The following SIPA1L2 variants were observed in gnomAD, a reference collection of about 807,000 sequenced individuals.
SIPA1L2 encodes signal induced proliferation associated 1 like 2.
In SIPA1L2, 56 loss-of-function variants were observed where a neutral mutation model predicts 163.9. That is an observed-to-expected ratio of 0.34 (90% CI 0.28 to 0.43). The LOEUF is 0.43. SIPA1L2 is among the 20% of genes least tolerant of loss of function. The probability of loss-of-function intolerance (pLI) is 1.00; values close to 1 mark genes in which losing one functional copy is unlikely to be tolerated. For synonymous variants in SIPA1L2, 877 were observed against 865.7 expected, an observed-to-expected ratio of 1.01 and a Z score of -0.23; for missense variants, 1,974 against 2,193.5, an observed-to-expected ratio of 0.90 and a Z score of 2.00.
chr1:232,441,627 T>A (rs1662901902), intron 13 of SIPA1L2, 141 bp downstream of exon 13: 2 of 784,826 alleles, frequency 2.5e-6, no homozygotes, highest in Admixed American at 4.8e-5. Flanking sequence ...CCCTCCTGCA[T>A]CTGGAGACCC....
At chr1:232,471,241 C>T (rs1031131897) in intron 8 of SIPA1L2, 130 bp downstream of exon 8, 91 of 991,186 alleles carry the variant, frequency 9.2e-5, no homozygotes, top group Non-Finnish European at 1.3e-4. Context: ...TTATTTCTTA[C>T]AGAAAGTGTC....
chr1:232,628,186 A>G (rs1174861326), intron 1 of SIPA1L2, among the ~76,000 whole-genome samples: 3 of 152,182 alleles, frequency 2.0e-5, no homozygotes, highest in East Asian at 3.9e-4. Flanking sequence ...ACTACGGGCT[A>G]TTGTGCTTGT....
At chr1:232,584,760 T>C (rs1660566785) in intron 1 of SIPA1L2, among the ~76,000 whole-genome samples, 1 of 152,194 alleles carries the variant, frequency 6.6e-6, no homozygotes, top group Admixed American at 6.5e-5. Flanking sequence ...TGACTACTTA[T>C]ACAAAACGCT....
In SIPA1L2 at chr1:232,513,886, T is replaced by C. The variant is rs1308195580; in HGVS notation, c.1454A>G (p.Tyr485Cys). ...YIIEHIDLGA[Y>C]YYRKFFYGKE... is the part of the protein sequence containing the mutation. ...CCCATAGAAGAATTTGCGGTAATAA[T>C]AGGCCCCAAGGTCAATGTGTTCTAT... Residue 485 changes from tyrosine to cysteine, a missense_variant, in exon 3 of 23, where the codon TAT (tyrosine) becomes TGT (cysteine). Physicochemically the swap from Tyr to Cys is radical, Grantham distance 194. Coordinates refer to ENST00000674635, the MANE Select transcript of SIPA1L2 (RefSeq NM_020808.5). 3 of 1,589,258 alleles carry C rather than the reference T, an allele frequency of 1.9e-6. No individual in the cohort carries two copies. Among genetic ancestry groups the C allele is most frequent in the East Asian group, 2.2e-5 (1 of 44,682 alleles).
chr1:232,574,850 A>G (rs556840862), intron 1 of SIPA1L2, among the ~76,000 whole-genome samples: 2 of 152,332 alleles, frequency 1.3e-5, no homozygotes, highest in South Asian at 4.1e-4. Context: ...GCTACGTACT[A>G]GACACTCTAC....
At chr1:232,406,924 C>T (rs1293630804) in intron 19 of SIPA1L2, among the ~76,000 whole-genome samples, 1 of 152,164 alleles carries the variant, frequency 6.6e-6, no homozygotes, top group Non-Finnish European at 1.5e-5. Context: ...TTTGTAGCTA[C>T]ATGTAGAAAA....
intron 10 of SIPA1L2, among the ~76,000 whole-genome samples, chr1:232,455,961 T>A (rs1379714943): frequency 1.3e-5 from 2 of 151,856 alleles, no homozygotes; most frequent in Non-Finnish European, 2.9e-5. Flanking sequence ...GGGTGAAGGG[T>A]GACAGAAGGG....
Position 232,402,431 on chromosome 1 carries a change from C to T in SIPA1L2, c.4983G>A (p.Leu1661=). The change falls in exon 22 of 23, where the codon CTG becomes CTA. Residue 1661 remains leucine, a synonymous_variant. Coordinates refer to ENST00000674635, the MANE Select transcript of SIPA1L2 (RefSeq NM_020808.5). ...TCTGGAGTTGTCGAAGAATTAATTC[C>T]AGCTGATTGACTTTCCCGGTCAGTG... ...PSPLTGKVNQ[L]ELILRQLQTD... 1 of 1,613,704 alleles carries T rather than the reference C, an allele frequency of 6.2e-7. No individual in the cohort carries two copies. The highest frequency in any genetic ancestry group is 8.5e-7 in the Non-Finnish European group (1 of 1,179,688).
chr1:232,409,405 C>T (rs1462236227), intron 19 of SIPA1L2, among the ~76,000 whole-genome samples: 2 of 152,148 alleles, frequency 1.3e-5, no homozygotes, highest in African/African-American at 4.8e-5. Flanking sequence ...GTGACTATTA[C>T]AGTGGAAAGC....
rs1660507820 is a variant in SIPA1L2, at chr1:232,404,145, C to T, written c.4796G>A (p.Cys1599Tyr). 1.2e-6 allele frequency: 2 copies of T among 1,613,938 alleles called. No individual in the cohort carries two copies. The highest frequency in any genetic ancestry group is 1.7e-6 in the Non-Finnish European group (2 of 1,180,006). Residue 1599 changes from cysteine (C) to tyrosine (Y), a missense_variant, in exon 20 of 23, where the codon TGT becomes TAT. Transcript: ENST00000674635. ...LDSDEELGLL[C>Y]HHTSYLDQRV... The stretch of plus-strand genomic sequence containing the variant: ...ATCACCTAGATAGGACGTGTGGTGA[C>T]AGAGCAGCCCCAGTTCTTCATCTGA...
chr1:232,560,279 A>T (rs1573083111), intron 2 of SIPA1L2, among the ~76,000 whole-genome samples: 1 of 152,246 alleles, frequency 6.6e-6, no homozygotes, highest in South Asian at 2.1e-4. Flanking sequence ...ATCCCCAGCT[A>T]CCTGCACTAC....
chr1:232,511,308 A>G (rs966795199), intron 3 of SIPA1L2, among the ~76,000 whole-genome samples: 1 of 152,218 alleles, frequency 6.6e-6, no homozygotes, highest in Admixed American at 6.5e-5. Context: ...AAGGAGACAC[A>G]ACAGGGGACC....
chr1:232,462,881 CT>C (rs1664314182), intron 9 of SIPA1L2, among the ~76,000 whole-genome samples: 1 of 152,166 alleles, frequency 6.6e-6, no homozygotes, highest in African/African-American at 2.4e-5. Flanking sequence ...ACCTCCCCTA[CT>C]TTGTCTTTTT....
intron 6 of SIPA1L2, among the ~76,000 whole-genome samples, chr1:232,481,419 A>G (rs998292018): frequency 6.6e-6 from 1 of 152,162 alleles, no homozygotes; most frequent in Non-Finnish European, 1.5e-5. Flanking sequence ...GCTGACTGAT[A>G]TTAGGTTTCA....
chr1:232,621,120 G>A (rs1248070576), intron 1 of SIPA1L2, among the ~76,000 whole-genome samples: 1 of 152,176 alleles, frequency 6.6e-6, no homozygotes, highest in Non-Finnish European at 1.5e-5. Context: ...CATGATCACA[G>A]AAGGACCCAC....
At chr1:232,524,769 A>C (rs1294617439) in intron 2 of SIPA1L2, among the ~76,000 whole-genome samples, 1 of 152,152 alleles carries the variant, frequency 6.6e-6, no homozygotes, top group Middle Eastern at 3.2e-3. Context: ...GCATGAAACA[A>C]AGTATGTTAA....
intron 7 of SIPA1L2, among the ~76,000 whole-genome samples, chr1:232,475,826 C>T (rs1195121121): frequency 3.3e-5 from 5 of 152,188 alleles, no homozygotes; most frequent in Non-Finnish European, 5.9e-5. Flanking sequence ...TTAATGACTT[C>T]ATAACAAAGT....
intron 2 of SIPA1L2, among the ~76,000 whole-genome samples, chr1:232,527,160 A>C (rs912316307): frequency 2.6e-5 from 4 of 152,328 alleles, no homozygotes; most frequent in Non-Finnish European, 4.4e-5. Context: ...CTTGTCCTAA[A>C]ATAAAACAAG....
Position 232,402,459 on chromosome 1 carries a change from G to A in SIPA1L2, c.4955C>T (p.Ser1652Leu), listed in dbSNP as rs760038944. 6.2e-7 allele frequency: 1 copy of A among 1,613,418 alleles called. No individual in the cohort carries two copies. ...CTGATTGACTTTCCCGGTCAGTGGT[G>A]ATGGAGAACGCTCCCTAGCAAATAA... ...FMDTTGERSP[S>L]PLTGKVNQLE... Residue 1652 changes from serine (S) to leucine (L), a missense_variant, in exon 22 of 23, where the codon TCA becomes TTA. By Grantham distance (145) the Ser-to-Leu change is moderately radical. Around this residue, in one of 3 missense-constraint regions of SIPA1L2, gnomAD observed 1,079 missense variants for 1,150.7 expected, o/e 0.94. Transcript: ENST00000674635.
Sources: gnomAD v4.1 joint callset for allele counts (sites outside exome capture counted in the v4.1 genomes callset) on GRCh38, gnomAD v4.1.1 for gene constraint, gnomAD v4.1.1 regional missense constraint, MANE v1.5 for transcripts, NCBI Gene and HGNC (gene_info 2026-07-23, HGNC 2026-07-21) for gene names.